Variants in DLC1 observed in about 807,000 individuals in gnomAD.
DLC1 encodes rho GTPase-activating protein 7.
In DLC1, 54 loss-of-function variants were observed where a neutral mutation model predicts 140.3. That is an observed-to-expected ratio of 0.38 (90% CI 0.31 to 0.48). DLC1 has a LOEUF of 0.48. DLC1 is among the 20% of genes least tolerant of loss of function. The pLI, the probability that DLC1 is intolerant of heterozygous loss-of-function variation, is 0.96. For synonymous variants in DLC1, 986 were observed against 728.1 expected, an observed-to-expected ratio of 1.35 and a Z score of -5.70; for missense variants, 2,536 against 1,907.0, an observed-to-expected ratio of 1.33 and a Z score of -6.14.
intron 1 of DLC1, among the ~76,000 whole-genome samples, chr8:13,546,957 T>A (rs1803668628): frequency 6.6e-6 from 1 of 152,110 alleles, no homozygotes; most frequent in Non-Finnish European, 1.5e-5. Flanking sequence ...TTGAATTAAG[T>A]TGTATATATA....
At chr8:13,155,904 A>C (rs1375000737) in intron 5 of DLC1, among the ~76,000 whole-genome samples, 2 of 152,176 alleles carry the variant, frequency 1.3e-5, no homozygotes, top group African/African-American at 4.8e-5. Context: ...AGAGTGAAAT[A>C]TTTTTAAATA....
intron 2 of DLC1, among the ~76,000 whole-genome samples, chr8:13,494,218 T>C (rs532972297): frequency 6.6e-6 from 1 of 152,348 alleles, no homozygotes; most frequent in South Asian, 2.1e-4. Context: ...TGGAATATAT[T>C]TATGTTAGAG....
At chr8:13,297,063 G>A (rs1333760662) in intron 5 of DLC1, among the ~76,000 whole-genome samples, 1 of 151,422 alleles carries the variant, frequency 6.6e-6, no homozygotes, top group East Asian at 1.9e-4. Flanking sequence ...AATCCTGTGA[G>A]TTCAAGATCT....
intron 5 of DLC1, among the ~76,000 whole-genome samples, chr8:13,217,028 G>GTGAA (rs1466584227): frequency 6.6e-6 from 1 of 152,128 alleles, no homozygotes; most frequent in African/African-American, 2.4e-5. Context: ...AATATAGGTT[G>GTGAA]TGAATCTAAG....
At chr8:13,543,750 C>T (rs947397958) in intron 1 of DLC1, among the ~76,000 whole-genome samples, 1 of 152,078 alleles carries the variant, frequency 6.6e-6, no homozygotes, top group Non-Finnish European at 1.5e-5. Context: ...AATGGAAAAT[C>T]AAATACTGTA....
At chr8:13,473,257 T>C (rs1304439488) in intron 2 of DLC1, among the ~76,000 whole-genome samples, 1 of 152,144 alleles carries the variant, frequency 6.6e-6, no homozygotes, top group Non-Finnish European at 1.5e-5. Flanking sequence ...CCAAATCTCA[T>C]GTTTAATTCC....
intron 1 of DLC1, among the ~76,000 whole-genome samples, chr8:13,545,860 A>G (rs909764484): frequency 6.6e-6 from 1 of 152,162 alleles, no homozygotes; most frequent in Admixed American, 6.6e-5. Context: ...CAATGTTTTC[A>G]TATTTTATGA....
intron 5 of DLC1, among the ~76,000 whole-genome samples, chr8:13,168,015 T>G (rs1167071619): frequency 6.6e-6 from 1 of 152,224 alleles, no homozygotes; most frequent in African/African-American, 2.4e-5. Context: ...ATTTTCTGTG[T>G]TCTTAGGGAA....
intron 5 of DLC1, among the ~76,000 whole-genome samples, chr8:13,240,852 T>C (rs1199885756): frequency 6.6e-6 from 1 of 152,096 alleles, no homozygotes; most frequent in African/African-American, 2.4e-5. Context: ...ATGAGGAAAA[T>C]ATCTAAATGT....
chr8:13,566,070 C>G (rs539731259), intron 1 of DLC1, among the ~76,000 whole-genome samples: 2 of 152,312 alleles, frequency 1.3e-5, no homozygotes, highest in South Asian at 4.1e-4. Flanking sequence ...CTGCTGATTG[C>G]TGGGCTCATA....
At chr8:13,270,283 G>A (rs2117377622) in intron 5 of DLC1, among the ~76,000 whole-genome samples, 1 of 152,270 alleles carries the variant, frequency 6.6e-6, no homozygotes. Flanking sequence ...AGTGGCCTTT[G>A]GTAAAATGTG....
chr8:13,582,878 C>CTATATATATATATATATATATA (rs55681527), intron 1 of DLC1, among the ~76,000 whole-genome samples: 1 of 103,062 alleles, frequency 9.7e-6, no homozygotes, highest in Admixed American at 1.1e-4. Flanking sequence ...ATACTGTGGT[C>CTATATATATATATATATATATA]TATATATATA....
intron 5 of DLC1, among the ~76,000 whole-genome samples, chr8:13,251,937 A>T (rs1475501536): frequency 3.9e-5 from 6 of 152,216 alleles, no homozygotes; most frequent in African/African-American, 1.4e-4. Context: ...ATACATTTTT[A>T]TAAAGTTACA....
At position 13,085,462 on chromosome 8, in the gene DLC1, G is replaced by GACACAGGT. The variant is rs1817473824; in HGVS notation, c.*341_*348dup. ...TCCCTCAACACACTGCAAATAAAGC[G>GACACAGGT]ACACAGGTACGCATACACTGATATC... On this transcript the variant is annotated 3_prime_UTR_variant, in exon 18 of 18. Transcript: ENST00000276297. 1 of 173,540 alleles carries GACACAGGT rather than the reference G, an allele frequency of 5.8e-6. No individual in the cohort carries two copies. The highest frequency in any genetic ancestry group is 2.4e-5 in the African/African-American group (1 of 42,078). The allele number at this position is 173,540 out of a possible 1,614,324, so 10.8% of individuals were successfully genotyped here.
intron 5 of DLC1, among the ~76,000 whole-genome samples, chr8:13,149,853 CT>C (rs1823683066): frequency 6.6e-6 from 1 of 152,224 alleles, no homozygotes; most frequent in South Asian, 2.1e-4. Context: ...CGTCAGGCCT[CT>C]TGTTTGCACT....
At chr8:13,486,521 T>C (rs1197654664) in intron 2 of DLC1, among the ~76,000 whole-genome samples, 1 of 152,228 alleles carries the variant, frequency 6.6e-6, no homozygotes, top group African/African-American at 2.4e-5. Context: ...GCATTTTCTC[T>C]GTGGGGCAGC....
chr8:13,098,762 T>A (rs972148293), intron 9 of DLC1, among the ~76,000 whole-genome samples, 187 bp from the exon 10 acceptor site: 3 of 152,210 alleles, frequency 2.0e-5, no homozygotes, highest in African/African-American at 7.2e-5. Flanking sequence ...ACTGTAGGCC[T>A]GTGCCACCAC....
chr8:13,444,089 T>C (rs73555439), intron 2 of DLC1, among the ~76,000 whole-genome samples: 2,833 of 146,500 alleles, frequency 0.019, 25 homozygotes, highest in Middle Eastern at 0.043. Context: ...GCTCAGAGGA[T>C]AAGTTTAGAA....
intron 5 of DLC1, among the ~76,000 whole-genome samples, chr8:13,301,766 T>C (rs535053533): frequency 5.3e-4 from 80 of 152,306 alleles, no homozygotes; most frequent in African/African-American, 1.8e-3. Context: ...GTCTGAGCTC[T>C]GGCTCTTGTG....
Sources: allele counts gnomAD v4.1 joint callset (sites outside exome capture counted in the v4.1 genomes callset), GRCh38; gene constraint gnomAD v4.1.1; transcripts MANE v1.5; gene names NCBI Gene and HGNC (gene_info 2026-07-23, HGNC 2026-07-21).